The following LGR5 variants were observed in gnomAD, a reference collection of about 807,000 sequenced individuals.
LGR5 encodes leucine-rich repeat-containing G protein-coupled receptor 5.
LGR5 carries 54 observed loss-of-function variants against 76.7 expected under a neutral mutation model. The ratio of observed to expected loss-of-function variants is 0.70; its 90% confidence interval spans 0.57 to 0.88. The LOEUF (loss-of-function observed/expected upper bound fraction) is 0.88, where lower values mean the gene tolerates loss of function less well. LGR5 is among the 40% of genes least tolerant of loss of function. The probability of loss-of-function intolerance (pLI) is 0.00; values close to 1 mark genes in which losing one functional copy is unlikely to be tolerated. For missense variants in LGR5, 1,078 were observed against 1,073.3 expected, an observed-to-expected ratio of 1.00 and a Z score of -0.06; for synonymous variants, 406 against 421.9, an observed-to-expected ratio of 0.96 and a Z score of 0.46.
intron 1 of LGR5, among the ~76,000 whole-genome samples, chr12:71,487,872 T>C (rs1381696159): frequency 3.3e-5 from 5 of 152,222 alleles, no homozygotes; most frequent in Admixed American, 6.5e-5. Context: ...AGGTTTTCTA[T>C]GCGTAAGGAT....
chr12:71,469,133 C>T (rs148339889), intron 1 of LGR5, among the ~76,000 whole-genome samples: 135 of 152,308 alleles, frequency 8.9e-4, no homozygotes, highest in Middle Eastern at 3.4e-3. Flanking sequence ...TTTCCTTCTA[C>T]ATTCATTCTC....
chr12:71,481,748 G>T (rs1329682422), intron 1 of LGR5, among the ~76,000 whole-genome samples: 4 of 152,138 alleles, frequency 2.6e-5, no homozygotes, highest in African/African-American at 9.7e-5. Context: ...GGACAACAAT[G>T]GGAGTTTCTG....
chr12:71,477,675 C>G (rs1005527876), intron 1 of LGR5, among the ~76,000 whole-genome samples: 6 of 151,962 alleles, frequency 3.9e-5, no homozygotes, highest in African/African-American at 1.5e-4. Flanking sequence ...AGTCTACTAA[C>G]TGCCTTGGAA....
At chr12:71,520,998 C>T (rs1227299499) in intron 2 of LGR5, among the ~76,000 whole-genome samples, 1 of 152,116 alleles carries the variant, frequency 6.6e-6, no homozygotes, top group Non-Finnish European at 1.5e-5. Context: ...TAAAAATATG[C>T]ATAGCCAAGA....
At chr12:71,574,260 G>A (rs545749906) in intron 13 of LGR5, among the ~76,000 whole-genome samples, 3 of 114,776 alleles carry the variant, frequency 2.6e-5, no homozygotes, top group Non-Finnish European at 4.9e-5. Context: ...CCGAGATCAC[G>A]CCATTGCATC....
chr12:71,520,736 A>T (rs991013654), intron 2 of LGR5, among the ~76,000 whole-genome samples: 1 of 150,470 alleles, frequency 6.6e-6, no homozygotes, highest in African/African-American at 2.4e-5. Context: ...GGACGGGGGG[A>T]GGGATAGCAT....
intron 8 of LGR5, among the ~76,000 whole-genome samples, chr12:71,562,300 C>G (rs983450704): frequency 6.6e-5 from 10 of 152,172 alleles, no homozygotes; most frequent in African/African-American, 2.2e-4. Flanking sequence ...TTGTGCTAAG[C>G]CTCTATCTCC....
chr12:71,582,265 C>G, intron 16 of LGR5, 191 bp from the exon 17 acceptor site: 1 of 538,288 alleles, frequency 1.9e-6, no homozygotes, highest in East Asian at 3.1e-5. Context: ...CCCAGTTGTA[C>G]TAGAATAGTA....
chr12:71,498,061 G>T (rs1029650363), intron 1 of LGR5, among the ~76,000 whole-genome samples: 1 of 152,118 alleles, frequency 6.6e-6, no homozygotes, highest in African/African-American at 2.4e-5. Flanking sequence ...GGGGGGAGCA[G>T]AAGGAAAAAG....
At chr12:71,487,991 G>A (rs1383563043) in intron 1 of LGR5, among the ~76,000 whole-genome samples, 3 of 152,136 alleles carry the variant, frequency 2.0e-5, no homozygotes, top group Non-Finnish European at 4.4e-5. Flanking sequence ...CCAAGAGGAG[G>A]GTACCAAGCT....
At position 71,584,581 on chromosome 12, in the gene LGR5, C is replaced by T. The variant is rs1338031174; in HGVS notation, c.2571C>T (p.Val857=). ...TGATGTCAATTAACTCTGATGATGT[C>T]GAAAAACAGTCCTGTGACTCAACTC... ...PSLMSINSDD[V]EKQSCDSTQA... is the part of the protein sequence containing the mutation. The change falls in exon 18 of 18, where the codon GTC becomes GTT. Residue 857 remains valine (V), a synonymous_variant. Transcript: ENST00000266674. 4.3e-6 allele frequency: 7 copies of T among 1,613,936 alleles called. No homozygotes were observed. The highest frequency in any genetic ancestry group is 4.5e-5 in the East Asian group (2 of 44,882).
At chr12:71,573,387 G>A (rs998400593) in intron 13 of LGR5, among the ~76,000 whole-genome samples, 1 of 152,186 alleles carries the variant, frequency 6.6e-6, no homozygotes, top group African/African-American at 2.4e-5. Context: ...AATCTCTGGA[G>A]TGGGGACTGG....
At chr12:71,482,770 C>G (rs897756819) in intron 1 of LGR5, among the ~76,000 whole-genome samples, 3 of 152,178 alleles carry the variant, frequency 2.0e-5, no homozygotes, top group Admixed American at 2.0e-4. Context: ...AGTGTCAAGA[C>G]TGGGAAATTC....
chr12:71,494,412 A>C (rs1405728057), intron 1 of LGR5, among the ~76,000 whole-genome samples: 2 of 151,008 alleles, frequency 1.3e-5, no homozygotes, highest in Non-Finnish European at 2.9e-5. Flanking sequence ...TAGAGAGGCA[A>C]TTTTGGATCA....
intron 2 of LGR5, among the ~76,000 whole-genome samples, chr12:71,507,288 T>C (rs533438793): frequency 3.9e-4 from 60 of 152,188 alleles, no homozygotes; most frequent in African/African-American, 1.4e-3. Flanking sequence ...GGAGGGACGG[T>C]TGGAATTGTG....
chr12:71,541,375 G>A (rs1305338145), intron 4 of LGR5, among the ~76,000 whole-genome samples: 3 of 152,188 alleles, frequency 2.0e-5, no homozygotes, highest in African/African-American at 7.2e-5. Context: ...GAGAAATAAA[G>A]AGAATATGGG....
At chr12:71,556,514 A>T (rs770934056) in intron 5 of LGR5, 105 bp from the exon 6 acceptor site, 89 of 773,990 alleles carry the variant, frequency 1.1e-4, no homozygotes, top group Non-Finnish European at 1.7e-4. Flanking sequence ...GCTTCTTATA[A>T]GTAGTGCATT....
At chr12:71,511,028 A>G (rs142051848) in intron 2 of LGR5, among the ~76,000 whole-genome samples, 15 of 152,332 alleles carry the variant, frequency 9.8e-5, no homozygotes, top group Middle Eastern at 3.4e-3. Flanking sequence ...AATTCAAATA[A>G]GAGCAATGGG....
intron 1 of LGR5, among the ~76,000 whole-genome samples, chr12:71,473,182 T>A (rs1414942674): frequency 2.0e-5 from 3 of 152,194 alleles, no homozygotes; most frequent in African/African-American, 7.2e-5. Context: ...TACAGGATCT[T>A]ACATTCCCAG....
Sources: allele counts gnomAD v4.1 joint callset (sites outside exome capture counted in the v4.1 genomes callset), GRCh38; gene constraint gnomAD v4.1.1; transcripts MANE v1.5; gene names NCBI Gene and HGNC (gene_info 2026-07-23, HGNC 2026-07-21).